The following CADPS2 variants were observed in gnomAD, a reference collection of about 807,000 sequenced individuals.
CADPS2 encodes calcium-dependent secretion activator 2.
CADPS2 carries 93 observed loss-of-function variants against 172.5 expected under a neutral mutation model. The ratio of observed to expected loss-of-function variants is 0.54; its 90% CI spans 0.46 to 0.64. The LOEUF is 0.64. CADPS2 is among the 30% of genes least tolerant of loss of function. The probability of loss-of-function intolerance (pLI) is 0.00; values close to 1 mark genes in which losing one functional copy is unlikely to be tolerated. For missense variants in CADPS2, 1,420 were observed against 1,565.9 expected (o/e 0.91, Z 1.57); for synonymous variants, 546 against 555.2 (o/e 0.98, Z 0.23).
intron 2 of CADPS2, among the ~76,000 whole-genome samples, chr7:122,731,244 T>A (rs192943681): frequency 1.3e-3 from 198 of 149,194 alleles, no homozygotes; most frequent in East Asian, 2.3e-3. Context: ...AGTCACAAAT[T>A]TTTTTTTTTT....
In CADPS2 at chr7:122,719,154, A is replaced by C. The variant is rs532331219; in HGVS notation, c.453+17801T>G. Among the ~76,000 whole-genome samples the C allele has an allele frequency of 5.9e-5, 9 of 151,842 alleles. No individual in the cohort carries two copies. The South Asian group carries it at 1.9e-3, about 32-fold the overall frequency. On this transcript the variant is annotated intron_variant, in intron 2 of 29. Transcript: ENST00000449022. ...GTAGGAGGAGGGAGCCATGGGCATCAGTCACTGAGAGGGCCCTGAGGGGTG... is the reference window on the plus strand; with the variant it reads ...GTAGGAGGAGGGAGCCATGGGCATCCGTCACTGAGAGGGCCCTGAGGGGTG...
At chr7:122,339,772 A>G (rs2036487029) in intron 28 of CADPS2, among the ~76,000 whole-genome samples, 1 of 152,146 alleles carries the variant, frequency 6.6e-6, no homozygotes, top group Non-Finnish European at 1.5e-5. Flanking sequence ...CTGTTGTCCC[A>G]GCTACTCTGC....
At chr7:122,846,140 C>A (rs1811935273) in intron 1 of CADPS2, among the ~76,000 whole-genome samples, 1 of 151,924 alleles carries the variant, frequency 6.6e-6, no homozygotes, top group African/African-American at 2.4e-5. Context: ...TTCCATTTAG[C>A]CATATTAAAA....
intron 1 of CADPS2, among the ~76,000 whole-genome samples, chr7:122,785,916 G>T (rs1793932038): frequency 1.3e-5 from 2 of 152,266 alleles, no homozygotes; most frequent in African/African-American, 4.8e-5. Flanking sequence ...TTGCCTATAG[G>T]TCCTCTGGCT....
chr7:122,510,362 G>A (rs922432618), intron 9 of CADPS2, among the ~76,000 whole-genome samples: 1 of 151,886 alleles, frequency 6.6e-6, no homozygotes, highest in Non-Finnish European at 1.5e-5. Context: ...GATCTTACTT[G>A]GAAGCCAAAT....
intron 2 of CADPS2, among the ~76,000 whole-genome samples, chr7:122,670,250 T>A (rs2081660865): frequency 6.6e-6 from 1 of 152,136 alleles, no homozygotes; most frequent in Non-Finnish European, 1.5e-5. Flanking sequence ...TCCACCAAAA[T>A]CGTCACCATG....
At chr7:122,826,281 G>C (rs1467955621) in intron 1 of CADPS2, among the ~76,000 whole-genome samples, 2 of 152,182 alleles carry the variant, frequency 1.3e-5, no homozygotes, top group Non-Finnish European at 2.9e-5. Flanking sequence ...TTGGACTTAA[G>C]AAGGCAGTGT....
intron 27 of CADPS2, among the ~76,000 whole-genome samples, chr7:122,359,617 C>G (rs976163554): frequency 2.5e-4 from 38 of 152,038 alleles, no homozygotes; most frequent in African/African-American, 9.2e-4. Context: ...TTGTGCCTTC[C>G]TTTTTAAGAT....
At chr7:122,776,239 G>GATCTGATGGCTTT (rs1449162300) in intron 1 of CADPS2, among the ~76,000 whole-genome samples, 3 of 152,052 alleles carry the variant, frequency 2.0e-5, no homozygotes, top group Non-Finnish European at 4.4e-5. Context: ...AATCTCATGA[G>GATCTGATGGCTTT]ATCTGATGGC....
chr7:122,852,011 A>G (rs1813794460), intron 1 of CADPS2, among the ~76,000 whole-genome samples: 2 of 152,378 alleles, frequency 1.3e-5, no homozygotes, highest in Admixed American at 6.5e-5. Flanking sequence ...AAACTGAGGC[A>G]TAAGCCATGG....
intron 11 of CADPS2, among the ~76,000 whole-genome samples, chr7:122,489,255 T>C (rs1454923938): frequency 6.6e-6 from 1 of 152,086 alleles, no homozygotes; most frequent in Non-Finnish European, 1.5e-5. Flanking sequence ...GAAGGGTATC[T>C]AAAAAGAGAA....
chr7:122,732,003 T>C (rs1195686377), intron 2 of CADPS2, among the ~76,000 whole-genome samples: 5 of 151,848 alleles, frequency 3.3e-5, no homozygotes, highest in Non-Finnish European at 5.9e-5. Context: ...ATAAATTATA[T>C]TGTTACATAA....
chr7:122,374,842 G>A (rs2042167255), intron 25 of CADPS2, among the ~76,000 whole-genome samples: 1 of 152,080 alleles, frequency 6.6e-6, no homozygotes, highest in African/African-American at 2.4e-5. Flanking sequence ...TGCACATTCT[G>A]CACATGTATC....
intron 1 of CADPS2, among the ~76,000 whole-genome samples, chr7:122,758,832 T>A (rs2093269509): frequency 6.6e-6 from 1 of 152,046 alleles, no homozygotes; most frequent in Admixed American, 6.6e-5. Context: ...ACCATTAACG[T>A]TTTTAAACTA....
chr7:122,761,535 C>A (rs748735943), intron 1 of CADPS2, among the ~76,000 whole-genome samples: 39 of 152,114 alleles, frequency 2.6e-4, no homozygotes, highest in Non-Finnish European at 5.1e-4. Context: ...AACACAAAAT[C>A]TTTAAAAAAA....
At chr7:122,339,029 G>T (rs2036356907) in intron 28 of CADPS2, 1 of 151,202 alleles carries the variant, frequency 6.6e-6, no homozygotes, top group Non-Finnish European at 1.5e-5. Context: ...ACCTCTTGAA[G>T]TGTTGGGATT....
chr7:122,353,754 C>T (rs369083990), intron 27 of CADPS2, among the ~76,000 whole-genome samples: 10 of 152,202 alleles, frequency 6.6e-5, no homozygotes, highest in African/African-American at 2.4e-4. Flanking sequence ...TTCAGTACCA[C>T]ACCTGGCAAA....
At chr7:122,344,687 G>A (rs2037305855) in intron 28 of CADPS2, among the ~76,000 whole-genome samples, 1 of 152,172 alleles carries the variant, frequency 6.6e-6, no homozygotes, top group African/African-American at 2.4e-5. Flanking sequence ...ACATCTTATA[G>A]TAGGGACCAC....
intron 2 of CADPS2, among the ~76,000 whole-genome samples, chr7:122,724,911 C>T (rs1365914665): frequency 6.6e-6 from 1 of 151,670 alleles, no homozygotes; most frequent in Non-Finnish European, 1.5e-5. Context: ...AAAAATAAGT[C>T]CATACGATTA....
Sources: gnomAD v4.1 joint callset for allele counts (sites outside exome capture counted in the v4.1 genomes callset) on GRCh38, gnomAD v4.1.1 for gene constraint, MANE v1.5 for transcripts, NCBI Gene and HGNC (gene_info 2026-07-23, HGNC 2026-07-21) for gene names.